The following CERS6 variants were observed in gnomAD, a reference collection of about 807,000 sequenced individuals.
CERS6 encodes LAG1 homolog, ceramide synthase 6.
A neutral mutation model predicts 56.8 loss-of-function variants in CERS6; 26 were observed. The observed-to-expected ratio is 0.46, with a 90% CI of 0.34 to 0.63. The LOEUF (loss-of-function observed/expected upper bound fraction) is 0.63. CERS6 is among the 30% of genes least tolerant of loss of function. The pLI, the probability that CERS6 is intolerant of heterozygous loss-of-function variation, is 0.01. For missense variants in CERS6, 415 were observed against 467.5 expected, an observed-to-expected ratio of 0.89 and a Z score of 1.04; for synonymous variants, 164 against 173.3, an observed-to-expected ratio of 0.95 and a Z score of 0.42.
chr2:168,566,378 A>G (rs921467542), intron 3 of CERS6, among the ~76,000 whole-genome samples: 1 of 152,168 alleles, frequency 6.6e-6, no homozygotes, highest in East Asian at 1.9e-4. Flanking sequence ...CTTTCCCCCA[A>G]TGCTGCCATA....
chr2:168,730,508 C>T (rs1424706209), intron 8 of CERS6, among the ~76,000 whole-genome samples: 1 of 152,122 alleles, frequency 6.6e-6, no homozygotes, highest in Admixed American at 6.5e-5. Context: ...AATTATCTTG[C>T]CCCTTCCATG....
chr2:168,690,434 C>G (rs1686470158), intron 4 of CERS6, among the ~76,000 whole-genome samples: 1 of 152,100 alleles, frequency 6.6e-6, no homozygotes, highest in South Asian at 2.1e-4. Flanking sequence ...CCTAATCATA[C>G]TGTGTCATAA....
At chr2:168,724,586 C>T (rs1223227798) in intron 8 of CERS6, among the ~76,000 whole-genome samples, 1 of 152,014 alleles carries the variant, frequency 6.6e-6, no homozygotes, top group Non-Finnish European at 1.5e-5. Flanking sequence ...TAGCTAGATA[C>T]AGAGTGCCGA....
At chr2:168,719,705 C>G (rs990359904) in intron 8 of CERS6, among the ~76,000 whole-genome samples, 1 of 152,100 alleles carries the variant, frequency 6.6e-6, no homozygotes, top group African/African-American at 2.4e-5. Flanking sequence ...ATCCATGGTC[C>G]TCAAAGACAG....
At chr2:168,462,917 G>A (rs981005732) in intron 1 of CERS6, among the ~76,000 whole-genome samples, 4 of 152,030 alleles carry the variant, frequency 2.6e-5, no homozygotes, top group African/African-American at 9.7e-5. Flanking sequence ...GCTATGACTT[G>A]GTGCTTACCA....
intron 8 of CERS6, among the ~76,000 whole-genome samples, chr2:168,723,282 T>C (rs1226932003): frequency 6.6e-6 from 1 of 152,180 alleles, no homozygotes; most frequent in African/African-American, 2.4e-5. Context: ...TTGCACACAG[T>C]GGCCATTATT....
chr2:168,465,084 A>G (rs1001293673), intron 1 of CERS6, among the ~76,000 whole-genome samples: 7 of 152,256 alleles, frequency 4.6e-5, no homozygotes, highest in Non-Finnish European at 1.0e-4. Context: ...TTGTACACCC[A>G]TGTTCATCAT....
intron 4 of CERS6, among the ~76,000 whole-genome samples, chr2:168,645,730 C>T (rs1009213331): frequency 2.0e-5 from 3 of 152,032 alleles, no homozygotes; most frequent in Admixed American, 1.3e-4. Context: ...CTGTTGTTTC[C>T]TTCCTTGTGT....
chr2:168,560,948 A>G (rs1695775399), intron 2 of CERS6, among the ~76,000 whole-genome samples: 1 of 152,178 alleles, frequency 6.6e-6, no homozygotes, highest in Non-Finnish European at 1.5e-5. Context: ...GAGAAGTGCA[A>G]GCATTAGAGC....
chr2:168,554,293 G>A (rs2105376631), intron 2 of CERS6, among the ~76,000 whole-genome samples: 1 of 152,170 alleles, frequency 6.6e-6, no homozygotes, highest in Non-Finnish European at 1.5e-5. Context: ...ACTAATTCAG[G>A]CTTTGGTTAT....
At chr2:168,736,926 C>T (rs1683732638) in intron 8 of CERS6, among the ~76,000 whole-genome samples, 1 of 152,202 alleles carries the variant, frequency 6.6e-6, no homozygotes, top group Admixed American at 6.5e-5. Flanking sequence ...CTTAGGCTCT[C>T]TCGCCTCTGG....
At chr2:168,658,993 C>T (rs1685561774) in intron 4 of CERS6, among the ~76,000 whole-genome samples, 1 of 152,176 alleles carries the variant, frequency 6.6e-6, no homozygotes, top group African/African-American at 2.4e-5. Context: ...ATCAGGATAC[C>T]CTGTATCACA....
intron 3 of CERS6, among the ~76,000 whole-genome samples, chr2:168,585,113 G>A (rs1226059895): frequency 6.6e-6 from 1 of 152,232 alleles, no homozygotes; most frequent in Non-Finnish European, 1.5e-5. Context: ...AATGGTTTGT[G>A]TTCCTTGACC....
intron 8 of CERS6, among the ~76,000 whole-genome samples, chr2:168,757,075 A>G (rs1312279678): frequency 1.3e-5 from 2 of 152,218 alleles, no homozygotes; most frequent in Non-Finnish European, 2.9e-5. Flanking sequence ...GAAGCAATAT[A>G]TGTAACATAT....
At chr2:168,535,478 A>G (rs958884340) in intron 1 of CERS6, among the ~76,000 whole-genome samples, 2 of 152,038 alleles carry the variant, frequency 1.3e-5, no homozygotes, top group African/African-American at 2.4e-5. Flanking sequence ...GTGGGCCGCC[A>G]TACCACACTG....
intron 3 of CERS6, among the ~76,000 whole-genome samples, chr2:168,563,258 A>G (rs984016590): frequency 1.3e-5 from 2 of 152,206 alleles, no homozygotes; most frequent in South Asian, 2.1e-4. Context: ...AGCAGTGTCT[A>G]TCTCTTCTCC....
chr2:168,537,536 C>T (rs1695287065), intron 1 of CERS6, among the ~76,000 whole-genome samples: 2 of 151,934 alleles, frequency 1.3e-5, no homozygotes, highest in African/African-American at 2.4e-5. Context: ...ATAAAATAGC[C>T]TGCTTTAAAA....
Position 168,751,597 on chromosome 2 carries a change from T to A in CERS6, c.846-13995T>A, listed in dbSNP as rs1169828098. Reference sequence around the variant, plus strand: ...CTTTATGTCCTCTTGCCAAGATAACTGCAGTGGCCTCTATGCAGTGTCTTC... The same window carrying A: ...CTTTATGTCCTCTTGCCAAGATAACAGCAGTGGCCTCTATGCAGTGTCTTC... On this transcript the variant is annotated intron_variant, in intron 8 of 9. Coordinates refer to ENST00000305747, the MANE Select transcript of CERS6 (RefSeq NM_203463.3). Among the ~76,000 whole-genome samples, 3 of 152,198 alleles carry A rather than the reference T, an allele frequency of 2.0e-5. No individual in the cohort carries two copies. The East Asian group carries it at 5.8e-4, about 29-fold the overall frequency.
At position 168,581,504 on chromosome 2, in the gene CERS6, T is replaced by C. The variant is rs994588231; in HGVS notation, c.407+20182T>C. Among the ~76,000 whole-genome samples the C allele has an allele frequency of 5.3e-5, 8 of 152,356 alleles. No homozygotes were observed. The East Asian group carries it at 1.5e-3, about 29-fold the overall frequency. ...CATTGTTTCTGTTTCTCTGGCCATA[T>C]GTTAGATGTCATCTGACATATCTTT... is the stretch of plus-strand genomic sequence containing the variant. On this transcript the variant is annotated intron_variant, in intron 3 of 9. Coordinates refer to ENST00000305747, the MANE Select transcript of CERS6 (RefSeq NM_203463.3).
Sources: gnomAD v4.1 joint callset for allele counts (sites outside exome capture counted in the v4.1 genomes callset) on GRCh38, gnomAD v4.1.1 for gene constraint, MANE v1.5 for transcripts, NCBI Gene and HGNC (gene_info 2026-07-23, HGNC 2026-07-21) for gene names.